CCDC51: variants seen among roughly 807,000 people sequenced by gnomAD.
CCDC51 encodes the protein mitochondrial potassium channel.
In CCDC51, 25 loss-of-function variants were observed where a neutral mutation model predicts 24.8. The observed-to-expected ratio is 1.01, with a 90% confidence interval of 0.73 to 1.41. The LOEUF is 1.41. Ranked by LOEUF, CCDC51 falls within the 40% of genes most tolerant of loss-of-function variation. The probability of loss-of-function intolerance (pLI) is 0.00; values close to 1 mark genes in which losing one functional copy is unlikely to be tolerated. For synonymous variants in CCDC51, 190 were observed against 204.3 expected, an observed-to-expected ratio of 0.93 and a Z score of 0.60; for missense variants, 466 against 519.1, an observed-to-expected ratio of 0.90 and a Z score of 0.99.
At chr3:48,434,331 G>C (rs1477528417) in intron 2 of CCDC51, among the ~76,000 whole-genome samples, 1 of 152,094 alleles carries the variant, frequency 6.6e-6, no homozygotes, top group African/African-American at 2.4e-5. Flanking sequence ...TGAACCCCAG[G>C]TTCTTCCCAC....
chr3:48,439,489 G>A (rs1016985763), intron 1 of CCDC51, among the ~76,000 whole-genome samples: 3 of 152,080 alleles, frequency 2.0e-5, no homozygotes. Context: ...AAAATTTTCC[G>A]GACATGGTGG....
At chr3:48,439,452 C>T (rs576423307) in intron 1 of CCDC51, among the ~76,000 whole-genome samples, 1 of 152,182 alleles carries the variant, frequency 6.6e-6, no homozygotes, top group African/African-American at 2.4e-5. Flanking sequence ...GCCAACATGG[C>T]GAAACCCCGT....
Position 48,433,847 on chromosome 3 carries a change from G to GAGCC in CCDC51, c.333_336dup (p.Arg113GlyfsTer64). 6.2e-7 allele frequency: 1 copy of GAGCC among 1,613,826 alleles called. No homozygotes were observed. The highest frequency in any genetic ancestry group is 1.3e-5 in the African/African-American group (1 of 74,962). ...TCCCGAGCCTCTCGGACAAGCCCTC[G>GAGCC]AGCCACCATGAACACTTTCTCAGCC... On this transcript the variant is annotated frameshift_variant, in exon 3 of 4. Coordinates refer to ENST00000395694, the MANE Select transcript of CCDC51 (RefSeq NM_001256964.2). LOFTEE classifies it high-confidence loss of function. The surrounding 1 kb of genome is among the most constrained non-coding windows in gnomAD (Gnocchi z 4.4).
chr3:48,434,388 C>T (rs555422919), intron 2 of CCDC51, among the ~76,000 whole-genome samples: 1 of 152,324 alleles, frequency 6.6e-6, no homozygotes, highest in African/African-American at 2.4e-5. Context: ...ACAGAGATGA[C>T]AGAATGCATT....
chr3:48,444,710 C>T (rs1392277919), upstream of CCDC51, among the ~76,000 whole-genome samples: 2 of 152,210 alleles, frequency 1.3e-5, no homozygotes, highest in Non-Finnish European at 2.9e-5. Flanking sequence ...GGAACAGTTC[C>T]TGTTGTCAAG....
chr3:48,441,320 A>C (rs2039558604), upstream of CCDC51, among the ~76,000 whole-genome samples: 1 of 152,042 alleles, frequency 6.6e-6, no homozygotes, highest in Non-Finnish European at 1.5e-5. Flanking sequence ...CTGGGATTGC[A>C]GGCGTGAGCC....
rs1170278468 is a variant in CCDC51, at chr3:48,432,461, C to T, written c.1183G>A (p.Val395Met). 2.0e-5 allele frequency: 32 copies of T among 1,614,116 alleles called. No homozygotes were observed. Among genetic ancestry groups the T allele is most frequent in the Non-Finnish European group, 2.5e-5 (30 of 1,180,052 alleles). Residue 395 changes from valine (V) to methionine (M), a missense_variant, in exon 4 of 4, where the codon GTG becomes ATG. Coordinates refer to ENST00000395694, the MANE Select transcript of CCDC51 (RefSeq NM_001256964.2). ...NTIYSTLVTC[V>M]TFVATLPVLY... ...ACAGGCAGTGTGGCCACAAATGTCACACAGGTGACCAGGGTGCTATAGATG... is the reference window on the plus strand; with the variant it reads ...ACAGGCAGTGTGGCCACAAATGTCATACAGGTGACCAGGGTGCTATAGATG...
chr3:48,443,943 A>G, upstream of CCDC51: 1 of 1,234,828 alleles, frequency 8.1e-7, no homozygotes, highest in Non-Finnish European at 1.1e-6. Flanking sequence ...AAACCTCTCT[A>G]TTCCCTGCCA....
At position 48,435,160 on chromosome 3, in the gene CCDC51, T is replaced by C; in HGVS notation, c.-8-24A>G. 1 of 1,537,862 alleles carries C rather than the reference T, an allele frequency of 6.5e-7. No homozygotes were observed. Among genetic ancestry groups the C allele is most frequent in the Non-Finnish European group, 8.8e-7 (1 of 1,142,828 alleles). On this transcript the variant is annotated intron_variant, in intron 1 of 3. Transcript: ENST00000395694. This position sits in a 1 kb window ranked among gnomAD's most constrained non-coding sequence, Gnocchi z 4.2. The stretch of plus-strand genomic sequence containing the variant: ...ATCTGTGAGGGGGACGCCAGACAGG[T>C]CAGCTCACAGCTGAGAAAGGCTGGA...
chr3:48,443,590 G>A (rs896198774), upstream of CCDC51, among the ~76,000 whole-genome samples: 5 of 152,036 alleles, frequency 3.3e-5, no homozygotes, highest in African/African-American at 1.2e-4. Context: ...ATGGCATGAG[G>A]ATTAAATAAG....
In CCDC51 at chr3:48,440,119, T is replaced by C. The variant is rs2039517738; in HGVS notation, c.-140A>G. On this transcript the variant is annotated 5_prime_UTR_variant, in exon 1 of 4. Transcript: ENST00000395694. The stretch of plus-strand genomic sequence containing the variant: ...ACCTGGCGTGGCCCGACCAATCGTC[T>C]GCCACTCAGTTGACCTCTGACCTGT... 1.5e-5 allele frequency: 15 copies of C among 1,027,712 alleles called. No homozygotes were observed. Among genetic ancestry groups the C allele is most frequent in the Non-Finnish European group, 1.9e-5 (14 of 727,940 alleles). 63.7% of individuals were successfully genotyped at this position (1,027,712 alleles called of 1,614,324 possible).
upstream of CCDC51, among the ~76,000 whole-genome samples, chr3:48,442,242 T>C (rs1454416808): frequency 2.2e-5 from 3 of 138,448 alleles, no homozygotes; most frequent in East Asian, 2.1e-4. Flanking sequence ...GCCTGGGAGA[T>C]AGAATGAGAC....
upstream of CCDC51, chr3:48,440,527 C>T (rs373489316): frequency 3.1e-6 from 5 of 1,609,502 alleles, no homozygotes; most frequent in East Asian, 2.2e-5. Context: ...TGAACACGCT[C>T]TGCCTCTCCC....
chr3:48,435,363 G>A lies in CCDC51; in HGVS notation c.-8-227C>T, dbSNP rs2039320448. ...AACACAGTTGGGGACGAGCCTCTAG[G>A]ATGCCATACCTTCCAGTGCCCGCCA... On this transcript the variant is annotated intron_variant, in intron 1 of 3. Transcript: ENST00000395694. This position sits in a 1 kb window ranked among gnomAD's most constrained non-coding sequence, Gnocchi z 4.2. 1.3e-5 allele frequency among the ~76,000 whole-genome samples: 2 copies of A among 152,128 alleles called. No homozygotes were observed. Among genetic ancestry groups the A allele is most frequent in the South Asian group, 4.2e-4 (2 of 4,818 alleles).
At chr3:48,440,173 G>T, upstream of CCDC51, 1 of 1,472,232 alleles carries the variant, frequency 6.8e-7, no homozygotes, top group South Asian at 1.4e-5. Context: ...CGCCGCATCC[G>T]GTAGCGAGAG....
rs145364875 is a variant in CCDC51 at position 48,432,400 on chromosome 3, G to A, written c.*8C>T. 9.4e-4 allele frequency: 1,522 copies of A among 1,613,610 alleles called. 5 individuals carry two copies. The African/African-American group carries it at 0.016, about 17-fold the overall frequency. ...TTGCCTCAGACCCTCTGGAGGAGGG[G>A]CCAGGGGTTAGCTGGCTTTGAATAG... is the stretch of plus-strand genomic sequence containing the variant. On this transcript the variant is annotated 3_prime_UTR_variant, in exon 4 of 4. Coordinates refer to ENST00000395694, the MANE Select transcript of CCDC51 (RefSeq NM_001256964.2).
In CCDC51 at chr3:48,432,258, C is replaced by A; in HGVS notation, c.*150G>T. 1.2e-6 allele frequency: 1 copy of A among 807,844 alleles called. No homozygotes were observed. Among genetic ancestry groups the A allele is most frequent in the South Asian group, 1.9e-5 (1 of 51,484 alleles). 50.0% of individuals were successfully genotyped at this position (807,844 alleles called of 1,614,324 possible). A position where few individuals can be genotyped will look rare whatever the true frequency, so the allele number is the denominator to read the frequency against. On this transcript the variant is annotated 3_prime_UTR_variant, in exon 4 of 4. Coordinates refer to ENST00000395694, the MANE Select transcript of CCDC51 (RefSeq NM_001256964.2). ...ATGTAAATGAACCTTGTCTACAAAG[C>A]GAAGCATGCCTGCTGGTGAGCCACA...
In CCDC51 at chr3:48,440,108, G is replaced by A. The variant is rs955799811; in HGVS notation, c.-129C>T. On this transcript the variant is annotated 5_prime_UTR_variant, in exon 1 of 4. Coordinates refer to ENST00000395694, the MANE Select transcript of CCDC51 (RefSeq NM_001256964.2). ...TAGCTCCTCGTACCTGGCGTGGCCC[G>A]ACCAATCGTCTGCCACTCAGTTGAC... 49 of 952,628 alleles carry A rather than the reference G, an allele frequency of 5.1e-5. 1 individual carries two copies. The South Asian group carries it at 8.2e-4, about 16-fold the overall frequency. 59.0% of individuals were successfully genotyped at this position (952,628 alleles called of 1,614,324 possible). A position where few individuals can be genotyped will look rare whatever the true frequency, so the allele number is the denominator to read the frequency against.
Position 48,432,677 on chromosome 3 carries a change from G to GC in CCDC51, c.966dup (p.Gln323AlafsTer3). 1.9e-6 allele frequency: 3 copies of GC among 1,614,248 alleles called. No individual in the cohort carries two copies. Among genetic ancestry groups the GC allele is most frequent in the Non-Finnish European group, 2.5e-6 (3 of 1,180,058 alleles). On this transcript the variant is annotated frameshift_variant, in exon 4 of 4. Coordinates refer to ENST00000395694, the MANE Select transcript of CCDC51 (RefSeq NM_001256964.2). LOFTEE classifies it high-confidence loss of function. ...CAAGTCTTTTCTAGGCCATCAAGCT[G>GC]CTCTCGTAAGCCTTCTAGACATGAA... is the stretch of plus-strand genomic sequence containing the variant.
Sources: gnomAD v4.1 joint callset for allele counts (sites outside exome capture counted in the v4.1 genomes callset) on GRCh38, gnomAD v4.1.1 for gene constraint, Gnocchi (gnomAD v3.1) non-coding constraint, MANE v1.5 for transcripts, NCBI Gene and HGNC (gene_info 2026-07-23, HGNC 2026-07-21) for gene names.